Variants in SHOC2 observed in about 807,000 individuals in gnomAD.
SHOC2 encodes the protein SHOC2 leucine rich repeat scaffold protein, also known as leucine-rich repeat protein SHOC-2.
A neutral mutation model predicts 50.2 loss-of-function variants in SHOC2; 4 were observed. The ratio of observed to expected loss-of-function variants is 0.08; its 90% confidence interval spans 0.04 to 0.18. SHOC2 has a LOEUF of 0.18. Among genes scored for constraint, SHOC2 ranks in the 10% least tolerant of loss-of-function variants. The probability of loss-of-function intolerance (pLI) is 1.00; values close to 1 mark genes in which losing one functional copy is unlikely to be tolerated. For synonymous variants in SHOC2, 218 were observed against 244.5 expected (o/e 0.89, Z 1.01); for missense variants, 388 against 669.6 (o/e 0.58, Z 4.64).
chr10:110,971,944 A>G (rs117188530), intron 2 of SHOC2, among the ~76,000 whole-genome samples: 1 of 151,824 alleles, frequency 6.6e-6, no homozygotes, highest in Non-Finnish European at 1.5e-5. Flanking sequence ...ATATAAAAGC[A>G]TATTGAACAG....
intron 1 of SHOC2, among the ~76,000 whole-genome samples, chr10:110,948,631 A>G (rs1458736638): frequency 6.6e-6 from 1 of 152,202 alleles, no homozygotes; most frequent in Non-Finnish European, 1.5e-5. Flanking sequence ...TTCCTGAACA[A>G]CCAGTGGATC....
intron 3 of SHOC2, chr10:110,989,102 T>A (rs1278087073): frequency 2.1e-6 from 1 of 471,314 alleles, no homozygotes; most frequent in Non-Finnish European, 4.0e-6. Flanking sequence ...AGAACATTCC[T>A]GATAGGACTT....
chr10:110,983,839 C>T (rs1848029390), intron 2 of SHOC2, among the ~76,000 whole-genome samples: 2 of 152,094 alleles, frequency 1.3e-5, no homozygotes, highest in South Asian at 4.1e-4. Context: ...TGTTTAGCAC[C>T]TATCAGAAAT....
At chr10:110,922,646 T>A (rs759858086) in intron 1 of SHOC2, among the ~76,000 whole-genome samples, 3 of 152,012 alleles carry the variant, frequency 2.0e-5, no homozygotes, top group African/African-American at 7.2e-5. Context: ...TTAAGATTAA[T>A]GCTTATAACA....
At chr10:110,975,570 T>C (rs905691287) in intron 2 of SHOC2, among the ~76,000 whole-genome samples, 2 of 148,856 alleles carry the variant, frequency 1.3e-5, no homozygotes, top group Non-Finnish European at 3.0e-5. Flanking sequence ...TTCAAATGTT[T>C]TATAGCATAT....
intron 4 of SHOC2, among the ~76,000 whole-genome samples, chr10:111,003,228 A>C (rs924393388): frequency 1.3e-5 from 2 of 152,210 alleles, no homozygotes; most frequent in African/African-American, 4.8e-5. Flanking sequence ...CTAAGTTTTC[A>C]ATTTGCTGAT....
At chr10:110,966,732 A>G (rs1487292967) in intron 2 of SHOC2, among the ~76,000 whole-genome samples, 1 of 152,224 alleles carries the variant, frequency 6.6e-6, no homozygotes, top group East Asian at 1.9e-4. Flanking sequence ...GTGGCTACCT[A>G]ATCTTTTGAC....
intron 1 of SHOC2, among the ~76,000 whole-genome samples, chr10:110,923,360 T>A (rs1846692553): frequency 1.3e-5 from 2 of 152,090 alleles, no homozygotes; most frequent in Admixed American, 1.3e-4. Flanking sequence ...CTAAAATATA[T>A]AATTGAATTA....
At chr10:110,925,923 T>A (rs1397895599) in intron 1 of SHOC2, among the ~76,000 whole-genome samples, 1 of 152,212 alleles carries the variant, frequency 6.6e-6, no homozygotes, top group Non-Finnish European at 1.5e-5. Context: ...CTGAGAAATT[T>A]AAAAATATTA....
In SHOC2 at chr10:110,964,233, C is replaced by G. The variant is rs1847627250; in HGVS notation, c.-126C>G. ...CAACATGTAACAGATGGATGTTACT[C>G]CATGCTGATTACTTCTTCAAGCCAG... On this transcript the variant is annotated 5_prime_UTR_variant, in exon 2 of 9. Coordinates refer to ENST00000369452, the MANE Select transcript of SHOC2 (RefSeq NM_007373.4). The surrounding 1 kb of genome is among the most constrained non-coding windows in gnomAD (Gnocchi z 4.9). The G allele has an allele frequency of 1.2e-5, 17 of 1,423,446 alleles. No individual in the cohort carries two copies. Among genetic ancestry groups the G allele is most frequent in the Non-Finnish European group, 1.5e-5 (16 of 1,059,556 alleles). The allele number at this position is 1,423,446 out of a possible 1,614,324, so 88.2% of individuals were successfully genotyped here.
chr10:110,942,884 A>G (rs1847176273), intron 1 of SHOC2, among the ~76,000 whole-genome samples: 2 of 152,240 alleles, frequency 1.3e-5, no homozygotes, highest in Non-Finnish European at 2.9e-5. Flanking sequence ...ATGTCCTCCC[A>G]CTGCCTTCTG....
At chr10:110,988,739 G>GT (rs1314905403) in intron 3 of SHOC2, among the ~76,000 whole-genome samples, 1 of 151,822 alleles carries the variant, frequency 6.6e-6, no homozygotes, top group Non-Finnish European at 1.5e-5. Flanking sequence ...TCTTTTTCTA[G>GT]TTTCTTATGG....
chr10:110,999,765 A>G (rs12774609), intron 3 of SHOC2, among the ~76,000 whole-genome samples: 1 of 150,808 alleles, frequency 6.6e-6, no homozygotes, highest in Non-Finnish European at 1.5e-5. Flanking sequence ...AAAAAGAAAG[A>G]AAAGAAAAGA....
intron 1 of SHOC2, among the ~76,000 whole-genome samples, chr10:110,958,208 ATTTC>A (rs1331131758): frequency 7.2e-6 from 1 of 138,670 alleles, no homozygotes; most frequent in South Asian, 2.2e-4. Context: ...TCTTCCATCC[ATTTC>A]TTTCTTTCTT....
intron 1 of SHOC2, among the ~76,000 whole-genome samples, chr10:110,941,882 T>C (rs1425243110): frequency 6.6e-6 from 1 of 152,200 alleles, no homozygotes. Context: ...ATTTTATAGG[T>C]TTACATTTTA....
chr10:110,962,348 T>A (rs1443716487), intron 1 of SHOC2, among the ~76,000 whole-genome samples: 1 of 152,200 alleles, frequency 6.6e-6, no homozygotes, highest in Non-Finnish European at 1.5e-5. Context: ...TATTTCCCAT[T>A]ATTCAGTTGT....
chr10:110,940,242 T>C (rs1185451494), intron 1 of SHOC2, among the ~76,000 whole-genome samples: 1 of 152,202 alleles, frequency 6.6e-6, no homozygotes, highest in Non-Finnish European at 1.5e-5. Flanking sequence ...AATGCTGCCT[T>C]TCCTAATCTT....
In SHOC2 at chr10:110,982,447, G is replaced by A. The variant is rs545360434; in HGVS notation, c.704-3181G>A. Among the ~76,000 whole-genome samples the A allele has an allele frequency of 2.8e-3, 429 of 152,044 alleles. 1 individual carries two copies. The highest frequency in any genetic ancestry group is 5.1e-3 in the Non-Finnish European group (345 of 67,954). On this transcript the variant is annotated intron_variant, in intron 2 of 8. Transcript: ENST00000369452. ...AATCGCCACACTGACTTCCACAATG[G>A]TTGAACTAGTTTACAGTCCCACCAA...
At chr10:110,991,152 C>G (rs1018784256) in intron 3 of SHOC2, among the ~76,000 whole-genome samples, 4 of 152,068 alleles carry the variant, frequency 2.6e-5, no homozygotes, top group African/African-American at 7.2e-5. Flanking sequence ...GTCTGTATCT[C>G]AAACTTGTTA....
Sources: allele counts gnomAD v4.1 joint callset (sites outside exome capture counted in the v4.1 genomes callset), GRCh38; gene constraint gnomAD v4.1.1; non-coding constraint Gnocchi (gnomAD v3.1); transcripts MANE v1.5; gene names NCBI Gene and HGNC (gene_info 2026-07-23, HGNC 2026-07-21).